Variants in TRPV1 observed in about 807,000 individuals in gnomAD.
TRPV1 encodes transient receptor potential cation channel subfamily V member 1.
Under a neutral mutation model 82.3 loss-of-function variants are expected in TRPV1, and 82 were observed. The ratio of observed to expected loss-of-function variants is 1.00; its 90% CI spans 0.83 to 1.20. The LOEUF is 1.20. TRPV1 is among the 50% of genes most tolerant of loss of function. TRPV1 has a pLI of 0.00. For missense variants in TRPV1, 1,067 were observed against 1,096.8 expected, an observed-to-expected ratio of 0.97 and a Z score of 0.38; for synonymous variants, 515 against 467.7, an observed-to-expected ratio of 1.10 and a Z score of -1.30.
rs780346241 is a variant in TRPV1, at chr17:3,591,313, T to C, written c.325A>G (p.Thr109Ala). Residue 109 changes from threonine (T) to alanine (A), a missense_variant, in exon 4 of 17, where the codon ACC becomes GCC. Coordinates refer to ENST00000572705, the MANE Select transcript of TRPV1 (RefSeq NM_080704.4). ...QDSVAASTEK[T>A]LRLYDRRSIF... is the part of the protein sequence containing the mutation. The stretch of plus-strand genomic sequence containing the variant: ...CTCCTGCGATCATAGAGCCTGAGGG[T>C]CTTCTCGGTGCTGGCGGCGACAGAG... 6.2e-7 allele frequency: 1 copy of C among 1,603,740 alleles called. No individual in the cohort carries two copies. Among genetic ancestry groups the C allele is most frequent in the South Asian group, 1.1e-5 (1 of 90,404 alleles).
intron 11 of TRPV1, chr17:3,577,997 G>T: frequency 2.0e-6 from 1 of 491,070 alleles, no homozygotes; most frequent in Non-Finnish European, 3.7e-6. Flanking sequence ...TATGTATAAA[G>T]CACAGATATA....
chr17:3,590,844 C>T (rs1473376872), intron 5 of TRPV1, 120 bp downstream of exon 5: 17 of 1,341,938 alleles, frequency 1.3e-5, no homozygotes, highest in South Asian at 4.6e-5. Flanking sequence ...GAGCCACCAA[C>T]GCAGTGGCTG....
Position 3,577,165 on chromosome 17 carries a change from T to C in TRPV1, c.1741A>G (p.Met581Val). ...KMILRDLCRF[M>V]FVYIVFLFGF... ...AACAAGAAGACGATGTAGACAAACA[T>C]GAAACGGCACAGGTCTCTCAGGATC... is the stretch of plus-strand genomic sequence containing the variant. Residue 581 changes from methionine to valine, a missense_variant, in exon 13 of 17, where the codon ATG (methionine) becomes GTG (valine). Physicochemically the swap from Met to Val is conservative, Grantham distance 21. Transcript: ENST00000572705. 6.3e-7 allele frequency: 1 copy of C among 1,587,196 alleles called. No individual in the cohort carries two copies. The highest frequency in any genetic ancestry group is 8.6e-7 in the Non-Finnish European group (1 of 1,167,190).
intron 16 of TRPV1, among the ~76,000 whole-genome samples, chr17:3,568,468 C>G (rs1031175937): frequency 6.6e-5 from 10 of 152,168 alleles, no homozygotes; most frequent in African/African-American, 2.2e-4. Context: ...GGGATTGCTT[C>G]CAACTAAACT....
intron 2 of TRPV1, among the ~76,000 whole-genome samples, chr17:3,606,333 C>T (rs562700547): frequency 6.6e-6 from 1 of 152,310 alleles, no homozygotes; most frequent in African/African-American, 2.4e-5. Flanking sequence ...TGTCCTCACT[C>T]AGGGACCCAG....
At chr17:3,590,861 G>C in intron 5 of TRPV1, 103 bp downstream of exon 5, 1 of 1,429,466 alleles carries the variant, frequency 7.0e-7, no homozygotes. Flanking sequence ...GCTGGGACAG[G>C]GAGTAAGGAT....
Position 3,591,286 on chromosome 17 carries a change from T to A in TRPV1, c.352A>T (p.Ile118Phe), listed in dbSNP as rs777827159. Residue 118 changes from isoleucine to phenylalanine, a missense_variant, in exon 4 of 17, where the codon ATC becomes TTC. Coordinates refer to ENST00000572705, the MANE Select transcript of TRPV1 (RefSeq NM_080704.4). The part of the protein sequence containing the change: ...KTLRLYDRRS[I>F]FEAVAQNNCQ... ...TTATTCTGAGCAACGGCTTCAAAGATACTCCTGCGATCATAGAGCCTGAGG... is the reference window on the plus strand; with the variant it reads ...TTATTCTGAGCAACGGCTTCAAAGAAACTCCTGCGATCATAGAGCCTGAGG... 4 of 1,613,120 alleles carry A rather than the reference T, an allele frequency of 2.5e-6. No homozygotes were observed. In the Admixed American group the frequency reaches 6.7e-5, roughly 27 times the overall value.
chr17:3,588,821 A>AAC, intron 7 of TRPV1: 4 of 1,306,028 alleles, frequency 3.1e-6, no homozygotes, highest in Non-Finnish European at 4.1e-6. Flanking sequence ...TCTAAAAAAA[A>AAC]AAAAAAAAAC....
chr17:3,601,309 C>T (rs1300638002), intron 2 of TRPV1, among the ~76,000 whole-genome samples: 1 of 151,972 alleles, frequency 6.6e-6, no homozygotes, highest in Admixed American at 6.6e-5. Context: ...GATCAACAGT[C>T]CTGGAAGCTC....
chr17:3,597,310 C>T (rs1042246050), intron 2 of TRPV1, among the ~76,000 whole-genome samples: 2 of 152,206 alleles, frequency 1.3e-5, no homozygotes, highest in Non-Finnish European at 2.9e-5. Flanking sequence ...GGGCGCTGCT[C>T]GGCCTCTCAA....
At chr17:3,579,956 G>A (rs1257144852) in intron 11 of TRPV1, among the ~76,000 whole-genome samples, 1 of 99,296 alleles carries the variant, frequency 1.0e-5, no homozygotes, top group East Asian at 5.6e-4. Context: ...TGGGGGATGG[G>A]GAAGCTCCAG....
In TRPV1 at chr17:3,574,425, T is replaced by A. The variant is rs576120948; in HGVS notation, c.1781-470A>T. Among the ~76,000 whole-genome samples the A allele has an allele frequency of 2.0e-5, 3 of 152,324 alleles. No individual in the cohort carries two copies. The East Asian group carries it at 5.8e-4, about 29-fold the overall frequency. On this transcript the variant is annotated intron_variant, in intron 13 of 16. Coordinates refer to ENST00000572705, the MANE Select transcript of TRPV1 (RefSeq NM_080704.4). The stretch of plus-strand genomic sequence containing the variant: ...GTGCATCGTGGTTGCTGCCTATCAG[T>A]ATCCACAAACCCCCCCGGCCTAGTC...
intron 10 of TRPV1, among the ~76,000 whole-genome samples, chr17:3,581,872 G>A (rs370684555): frequency 8.5e-5 from 11 of 128,926 alleles, no homozygotes; most frequent in African/African-American, 1.7e-4. Flanking sequence ...GCAACTAAGC[G>A]AGACTCCATC....
intron 14 of TRPV1, among the ~76,000 whole-genome samples, chr17:3,572,849 G>C (rs991392051): frequency 2.6e-5 from 4 of 152,132 alleles, no homozygotes; most frequent in Admixed American, 2.0e-4. Flanking sequence ...TGGGTGTGGT[G>C]GTGGGTGCCT....
intron 2 of TRPV1, among the ~76,000 whole-genome samples, chr17:3,606,222 G>A (rs1472069204): frequency 2.0e-5 from 3 of 152,100 alleles, no homozygotes; most frequent in Non-Finnish European, 2.9e-5. Context: ...TCGGCCTCCC[G>A]AAGTGCTGGG....
At chr17:3,567,439 G>C (rs546994018) in intron 16 of TRPV1, among the ~76,000 whole-genome samples, 1 of 151,012 alleles carries the variant, frequency 6.6e-6, no homozygotes. Flanking sequence ...CCAGGCATGC[G>C]AGTGCTTCCT....
At chr17:3,600,667 C>T (rs1364979258) in intron 2 of TRPV1, among the ~76,000 whole-genome samples, 2 of 152,208 alleles carry the variant, frequency 1.3e-5, no homozygotes, top group East Asian at 1.9e-4. Flanking sequence ...GTGTCCTGTC[C>T]TCTTTGTTAA....
chr17:3,607,950 C>T (rs1304556247), intron 2 of TRPV1, among the ~76,000 whole-genome samples: 1 of 152,090 alleles, frequency 6.6e-6, no homozygotes, highest in Non-Finnish European at 1.5e-5. Flanking sequence ...GTCAGTGGCT[C>T]CCGCCTGCAA....
chr17:3,576,668 A>AAAAAAAAAAAAAAAAAAAAATATATAT, intron 13 of TRPV1, among the ~76,000 whole-genome samples: 3 of 38,424 alleles, frequency 7.8e-5, no homozygotes, highest in East Asian at 1.7e-3. Context: ...AAAAAAAAAA[A>AAAAAAAAAAAAAAAAAAAAATATATAT]ATATATATAT....
Sources: gnomAD v4.1 joint callset for allele counts (sites outside exome capture counted in the v4.1 genomes callset) on GRCh38, gnomAD v4.1.1 for gene constraint, MANE v1.5 for transcripts, NCBI Gene and HGNC (gene_info 2026-07-23, HGNC 2026-07-21) for gene names.